The following MED27 variants were observed in gnomAD, a reference collection of about 807,000 sequenced individuals.
The protein encoded by MED27 is mediator complex subunit 27, also known as mediator of RNA polymerase II transcription subunit 27.
In MED27, 30 loss-of-function variants were observed where a neutral mutation model predicts 38.2. The observed-to-expected ratio is 0.79, with a 90% CI of 0.59 to 1.07. The LOEUF is 1.07. Ranked by LOEUF, MED27 falls within the 50% of genes least tolerant of loss-of-function variation. MED27 has a pLI of 0.00. For missense variants in MED27, 289 were observed against 397.5 expected, an observed-to-expected ratio of 0.73 and a Z score of 2.32; for synonymous variants, 122 against 153.5, an observed-to-expected ratio of 0.79 and a Z score of 1.52.
At chr9:131,954,560 TG>T (rs1455641199) in intron 3 of MED27, among the ~76,000 whole-genome samples, 1 of 152,194 alleles carries the variant, frequency 6.6e-6, no homozygotes, top group East Asian at 1.9e-4. Flanking sequence ...CTCCTGAAGC[TG>T]AGAAGTCTTG....
chr9:131,882,793 C>T (rs1291827506), intron 6 of MED27, among the ~76,000 whole-genome samples: 2 of 152,198 alleles, frequency 1.3e-5, no homozygotes, highest in Non-Finnish European at 2.9e-5. Context: ...GTTTCCTGGC[C>T]ACAGCCCCCA....
chr9:131,911,867 C>T (rs1425187572), intron 4 of MED27, among the ~76,000 whole-genome samples: 2 of 152,116 alleles, frequency 1.3e-5, no homozygotes, highest in African/African-American at 4.8e-5. Context: ...TTTACTTTTC[C>T]TTCCCTGATC....
At chr9:131,966,180 C>T (rs1182793877) in intron 3 of MED27, among the ~76,000 whole-genome samples, 1 of 123,790 alleles carries the variant, frequency 8.1e-6, no homozygotes, top group Non-Finnish European at 1.6e-5. Flanking sequence ...CTGGGAAACA[C>T]AGTGAGAGCC....
chr9:132,044,419 T>C (rs1279469616), intron 2 of MED27, among the ~76,000 whole-genome samples: 2 of 152,194 alleles, frequency 1.3e-5, no homozygotes, highest in Admixed American at 6.5e-5. Flanking sequence ...TTTTCAGTGA[T>C]CTTGCATCAG....
chr9:131,939,366 T>G lies in MED27; in HGVS notation c.573+15A>C. On this transcript the variant is annotated intron_variant, in intron 4 of 7. Transcript: ENST00000292035. ...TTCCCCCAACATCCCTACAAATCAG[T>G]CAAGCTGATCTTACCAGAAGCATTG... 3 of 1,577,822 alleles carry G rather than the reference T, an allele frequency of 1.9e-6. No homozygotes were observed. Among genetic ancestry groups the G allele is most frequent in the Non-Finnish European group, 2.6e-6 (3 of 1,158,922 alleles).
chr9:132,037,160 G>A (rs1222977629), intron 2 of MED27, among the ~76,000 whole-genome samples: 1 of 152,142 alleles, frequency 6.6e-6, no homozygotes, highest in Non-Finnish European at 1.5e-5. Flanking sequence ...ACTGAGGAGC[G>A]CGCCACACAC....
chr9:131,914,004 A>G (rs117210720), intron 4 of MED27, among the ~76,000 whole-genome samples: 529 of 152,330 alleles, frequency 3.5e-3, no homozygotes, highest in Non-Finnish European at 5.2e-3. Context: ...GTGCAGTTCT[A>G]AGACTTGGAA....
At chr9:131,869,735 C>T (rs904891803) in intron 6 of MED27, among the ~76,000 whole-genome samples, 1 of 152,132 alleles carries the variant, frequency 6.6e-6, no homozygotes, top group Non-Finnish European at 1.5e-5. Flanking sequence ...CAAAGAGGGG[C>T]AGAGGGTGAT....
intron 5 of MED27, among the ~76,000 whole-genome samples, chr9:131,885,620 T>G (rs994633757): frequency 6.6e-6 from 1 of 152,272 alleles, no homozygotes; most frequent in Non-Finnish European, 1.5e-5. Context: ...TGGTCACACT[T>G]GGTCACACAC....
chr9:132,049,901 T>C (rs898717142), intron 2 of MED27, among the ~76,000 whole-genome samples: 2 of 152,158 alleles, frequency 1.3e-5, no homozygotes, highest in Admixed American at 6.5e-5. Flanking sequence ...TTCTAAAGAA[T>C]CCAGAATTGG....
rs375494833 is a variant in MED27, at chr9:131,862,125, A to C, written c.801+938T>G. Among the ~76,000 whole-genome samples the C allele has an allele frequency of 1.2e-4, 19 of 152,340 alleles. No homozygotes were observed. The highest frequency in any genetic ancestry group is 3.8e-4 in the African/African-American group (16 of 41,588). ...GTGTTGTGCCCACTCTGCCAGCATC[A>C]TGAAGCCAATCAACGCACCAGGGAT... On this transcript the variant is annotated intron_variant, in intron 7 of 7. Coordinates refer to ENST00000292035, the MANE Select transcript of MED27 (RefSeq NM_004269.4). The surrounding 1 kb of genome is among the most constrained non-coding windows in gnomAD (Gnocchi z 4.6).
At chr9:131,887,933 T>C (rs1414593399) in intron 5 of MED27, among the ~76,000 whole-genome samples, 1 of 152,028 alleles carries the variant, frequency 6.6e-6, no homozygotes, top group Non-Finnish European at 1.5e-5. Flanking sequence ...TCAGGTGAAA[T>C]GAAAACAAAC....
chr9:132,037,555 T>C (rs1833107061), intron 2 of MED27, among the ~76,000 whole-genome samples: 1 of 152,204 alleles, frequency 6.6e-6, no homozygotes, highest in Non-Finnish European at 1.5e-5. Context: ...TTGGAGCGGT[T>C]GGTAATTCAT....
At chr9:132,050,739 C>T (rs1413087771) in intron 2 of MED27, among the ~76,000 whole-genome samples, 1 of 152,160 alleles carries the variant, frequency 6.6e-6, no homozygotes, top group East Asian at 1.9e-4. Context: ...CACAGGCCTG[C>T]CCCCAACCCC....
intron 2 of MED27, among the ~76,000 whole-genome samples, chr9:132,023,268 C>T (rs1330929835): frequency 6.6e-6 from 1 of 152,108 alleles, no homozygotes; most frequent in Non-Finnish European, 1.5e-5. Context: ...CATCACTGGA[C>T]ATTTCTATGT....
chr9:132,057,830 C>A (rs747623731), intron 2 of MED27, among the ~76,000 whole-genome samples: 41 of 152,318 alleles, frequency 2.7e-4, no homozygotes, highest in Non-Finnish European at 5.3e-4. Context: ...AAGGAGACAT[C>A]AGGACTGTGG....
At chr9:131,925,893 C>A (rs1469463216) in intron 4 of MED27, among the ~76,000 whole-genome samples, 3 of 152,206 alleles carry the variant, frequency 2.0e-5, no homozygotes, top group Admixed American at 2.0e-4. Flanking sequence ...TATGAAAGGG[C>A]CATGCCTGCG....
At chr9:132,070,443 G>C (rs1359741086) in intron 2 of MED27, among the ~76,000 whole-genome samples, 28 of 152,260 alleles carry the variant, frequency 1.8e-4, no homozygotes, top group Admixed American at 1.8e-3. Context: ...TGTAGTCCCT[G>C]CTACTTGGGG....
At chr9:132,033,747 T>G (rs1230708230) in intron 2 of MED27, among the ~76,000 whole-genome samples, 1 of 152,240 alleles carries the variant, frequency 6.6e-6, no homozygotes, top group African/African-American at 2.4e-5. Flanking sequence ...ATCTTTGGTG[T>G]TCTGTGTGTC....
Sources: gnomAD v4.1 joint callset for allele counts (sites outside exome capture counted in the v4.1 genomes callset) on GRCh38, gnomAD v4.1.1 for gene constraint, Gnocchi (gnomAD v3.1) non-coding constraint, MANE v1.5 for transcripts, NCBI Gene and HGNC (gene_info 2026-07-23, HGNC 2026-07-21) for gene names.